The following CD96 variants were observed in gnomAD, a reference collection of about 807,000 sequenced individuals.
CD96 encodes the protein CD96 molecule, also known as T-cell surface protein tactile.
Under a neutral mutation model 71.3 loss-of-function variants are expected in CD96, and 70 were observed. The ratio of observed to expected loss-of-function variants is 0.98; its 90% confidence interval spans 0.81 to 1.20. The LOEUF (loss-of-function observed/expected upper bound fraction) is 1.20. Among genes scored for constraint, CD96 ranks in the 50% most tolerant of loss-of-function variants. The pLI, the probability that CD96 is intolerant of heterozygous loss-of-function variation, is 0.00. For synonymous variants in CD96, 248 were observed against 233.0 expected (o/e 1.06, Z -0.59); for missense variants, 742 against 677.5 (o/e 1.10, Z -1.06).
chr3:111,569,155 A>G (rs1405593521), intron 3 of CD96, among the ~76,000 whole-genome samples: 1 of 152,186 alleles, frequency 6.6e-6, no homozygotes, highest in Non-Finnish European at 1.5e-5. Context: ...GACCCTATAT[A>G]TAAAAACATT....
At position 111,650,426 on chromosome 3, in the gene CD96, G is replaced by A. The variant is rs1940024614; in HGVS notation, c.*620G>A. 2 of 157,664 alleles carry A rather than the reference G, an allele frequency of 1.3e-5. 1 individual carries two copies. Among genetic ancestry groups the A allele is most frequent in the South Asian group, 3.7e-4 (2 of 5,366 alleles). The allele number at this position is 157,664 out of a possible 1,614,324, so 9.8% of individuals were successfully genotyped here. ...GTTCAGCCCAGACTCCTGCCACATG[G>A]ACCAGGATGAAGAGGGATCAAAGAG... On this transcript the variant is annotated 3_prime_UTR_variant, in exon 14 of 14. Transcript: ENST00000352690.
intron 6 of CD96, among the ~76,000 whole-genome samples, chr3:111,599,879 A>G (rs545562582): frequency 6.6e-6 from 1 of 152,358 alleles, no homozygotes; most frequent in South Asian, 2.1e-4. Context: ...TAATTACATC[A>G]GAATTGGTGT....
At chr3:111,592,071 T>G (rs1937014914) in intron 5 of CD96, among the ~76,000 whole-genome samples, 1 of 152,224 alleles carries the variant, frequency 6.6e-6, no homozygotes, top group Non-Finnish European at 1.5e-5. Flanking sequence ...TCCCAAGCTC[T>G]TTCCCCACTC....
chr3:111,552,536 A>G (rs1379253599), intron 2 of CD96, among the ~76,000 whole-genome samples: 1 of 152,316 alleles, frequency 6.6e-6, no homozygotes, highest in South Asian at 2.1e-4. Flanking sequence ...TAGTCCAAAT[A>G]CTAAATATTT....
At chr3:111,616,886 C>A (rs771940071) in intron 8 of CD96, among the ~76,000 whole-genome samples, 1 of 152,258 alleles carries the variant, frequency 6.6e-6, no homozygotes, top group African/African-American at 2.4e-5. Context: ...GACCCTGACA[C>A]CCCTGCTCTC....
chr3:111,579,312 A>G (rs767436259), intron 4 of CD96, 78 bp downstream of exon 4: 2 of 837,242 alleles, frequency 2.4e-6, no homozygotes, highest in East Asian at 2.4e-5. Context: ...GAAGCACCCT[A>G]TTATGCTGCA....
intron 5 of CD96, among the ~76,000 whole-genome samples, chr3:111,588,499 C>A (rs535335627): frequency 1.3e-5 from 2 of 152,300 alleles, no homozygotes; most frequent in Admixed American, 6.5e-5. Flanking sequence ...CAAACTGTTC[C>A]AACCTCTGCC....
intron 8 of CD96, among the ~76,000 whole-genome samples, chr3:111,616,982 T>TC (rs1165422152): frequency 6.6e-6 from 1 of 152,044 alleles, no homozygotes; most frequent in African/African-American, 2.4e-5. Flanking sequence ...CAGCACCTGC[T>TC]CCAATTTCAG....
intron 5 of CD96, among the ~76,000 whole-genome samples, chr3:111,596,069 A>G (rs1380012586): frequency 1.3e-5 from 2 of 151,910 alleles, no homozygotes; most frequent in African/African-American, 4.8e-5. Flanking sequence ...GGCTGAAGCA[A>G]GAGAATTGCT....
At chr3:111,576,176 T>C (rs1936213137) in intron 3 of CD96, among the ~76,000 whole-genome samples, 2 of 152,182 alleles carry the variant, frequency 1.3e-5, no homozygotes, top group South Asian at 4.1e-4. Context: ...TCCATAAAGT[T>C]TTAGAAATAC....
At chr3:111,613,431 G>A (rs1194130450) in intron 8 of CD96, among the ~76,000 whole-genome samples, 1 of 152,138 alleles carries the variant, frequency 6.6e-6, no homozygotes, top group Non-Finnish European at 1.5e-5. Flanking sequence ...TTTATGCAGG[G>A]TTTAGATTTA....
At chr3:111,562,183 T>C (rs943425535) in intron 2 of CD96, among the ~76,000 whole-genome samples, 18 of 152,328 alleles carry the variant, frequency 1.2e-4, no homozygotes, top group African/African-American at 3.4e-4. Context: ...GTCGCTCACG[T>C]TGGGAGCTGT....
intron 8 of CD96, among the ~76,000 whole-genome samples, chr3:111,615,986 T>C (rs1265621449): frequency 1.3e-5 from 2 of 152,122 alleles, no homozygotes; most frequent in African/African-American, 4.8e-5. Context: ...CACACCCTCA[T>C]CTTCTCGAAA....
chr3:111,663,819 G>T (rs1456723789), intron 14 of CD96, among the ~76,000 whole-genome samples: 3 of 148,228 alleles, frequency 2.0e-5, no homozygotes, highest in Non-Finnish European at 3.0e-5. Context: ...TGCTATCTCT[G>T]CTCACTGCAA....
rs192505008 is a variant in CD96, at chr3:111,569,215, T to C, written c.543+1568T>C. On this transcript the variant is annotated intron_variant, in intron 3 of 13. Coordinates refer to ENST00000352690, the MANE Select transcript of CD96 (RefSeq NM_005816.5). ...AATAATTGACTTGTACTAAAAACTTTAAATACAACCTACTGATAATTTTTC... is the reference window on the plus strand; with the variant it reads ...AATAATTGACTTGTACTAAAAACTTCAAATACAACCTACTGATAATTTTTC... Among the ~76,000 whole-genome samples the C allele has an allele frequency of 2.4e-3, 361 of 152,332 alleles. 1 individual carries two copies. The highest frequency in any genetic ancestry group is 7.6e-3 in the African/African-American group (315 of 41,590).
chr3:111,644,798 A>C (rs983985421), intron 12 of CD96, among the ~76,000 whole-genome samples: 2 of 152,224 alleles, frequency 1.3e-5, no homozygotes, highest in African/African-American at 4.8e-5. Flanking sequence ...AGGGAAATGC[A>C]AATCAAAATG....
At chr3:111,545,443 T>G (rs1300828396) in intron 2 of CD96, 41 bp downstream of exon 2, 1 of 1,247,740 alleles carries the variant, frequency 8.0e-7, no homozygotes, top group Admixed American at 1.7e-5. Flanking sequence ...CATTCAGCTC[T>G]CTCTCATTCA....
downstream of CD96, among the ~76,000 whole-genome samples, chr3:111,653,416 A>G (rs1467258619): frequency 6.6e-6 from 1 of 152,222 alleles, no homozygotes; most frequent in East Asian, 1.9e-4. Flanking sequence ...GTAAGTGCCT[A>G]ATGCGTGCTT....
At position 111,579,208 on chromosome 3, in the gene CD96, G is replaced by A. The variant is rs757248931; in HGVS notation, c.725G>A (p.Arg242Lys). The change falls in exon 4 of 14, where the codon AGG (arginine) becomes AAG (lysine). Residue 242 changes from arginine to lysine, a missense_variant. Transcript: ENST00000352690. The part of the protein sequence containing the change: ...HIRVGPNKIL[R>K]SSTTVKVFAK... ...AGAGTCGGTCCTAACAAAATCTTGA[G>A]GAGCTCCACCACAGTCAAGGTTTTT... 1.9e-6 allele frequency: 3 copies of A among 1,604,838 alleles called. No homozygotes were observed. In the South Asian group the frequency reaches 3.3e-5, roughly 18 times the overall value.
Sources: gnomAD v4.1 joint callset for allele counts (sites outside exome capture counted in the v4.1 genomes callset) on GRCh38, gnomAD v4.1.1 for gene constraint, MANE v1.5 for transcripts, NCBI Gene and HGNC (gene_info 2026-07-23, HGNC 2026-07-21) for gene names.